Variants in TEX9 observed in about 807,000 individuals in gnomAD.
The protein encoded by TEX9 is testis-expressed protein 9.
In TEX9, 74 loss-of-function variants were observed where a neutral mutation model predicts 59.6. The ratio of observed to expected loss-of-function variants is 1.24; its 90% CI spans 1.03 to 1.51. TEX9 has a LOEUF of 1.51. Among genes scored for constraint, TEX9 ranks in the 40% most tolerant of loss-of-function variants. TEX9 has a pLI of 0.00. For missense variants in TEX9, 522 were observed against 447.8 expected, an observed-to-expected ratio of 1.17 and a Z score of -1.49; for synonymous variants, 186 against 152.2, an observed-to-expected ratio of 1.22 and a Z score of -1.64.
intron 6 of TEX9, among the ~76,000 whole-genome samples, chr15:56,390,120 G>A (rs552059482): frequency 2.7e-4 from 41 of 151,568 alleles, no homozygotes; most frequent in Non-Finnish European, 4.7e-4. Context: ...AAAATAGAGT[G>A]AAGTGATAAG....
At chr15:56,384,122 T>A (rs1200856823) in intron 4 of TEX9, 91 bp downstream of exon 4, 1 of 1,021,384 alleles carries the variant, frequency 9.8e-7, no homozygotes, top group Non-Finnish European at 1.5e-6. Flanking sequence ...CATTGAAAAA[T>A]CTATAATTTG....
At chr15:56,379,051 TTCTC>T (rs1193643296) in intron 3 of TEX9, among the ~76,000 whole-genome samples, 1 of 143,672 alleles carries the variant, frequency 7.0e-6, no homozygotes, top group Non-Finnish European at 1.5e-5. Flanking sequence ...GCAACAGAGT[TTCTC>T]TCTATCTCAA....
intron 1 of TEX9, among the ~76,000 whole-genome samples, chr15:56,281,398 C>G (rs979783098): frequency 3.3e-5 from 5 of 152,214 alleles, no homozygotes; most frequent in African/African-American, 1.2e-4. Flanking sequence ...AGCTCTGCCT[C>G]CTGTCTGATC....
At chr15:56,331,848 A>G (rs2046152495) in intron 1 of TEX9, among the ~76,000 whole-genome samples, 2 of 150,120 alleles carry the variant, frequency 1.3e-5, no homozygotes, top group African/African-American at 4.9e-5. Flanking sequence ...ACATTTATGC[A>G]GCCAAAAAAC....
intron 1 of TEX9, among the ~76,000 whole-genome samples, chr15:56,295,915 G>A (rs1421350995): frequency 1.3e-5 from 2 of 152,112 alleles, no homozygotes; most frequent in South Asian, 2.1e-4. Context: ...TAAACCAAAG[G>A]CTTTGTTACG....
chr15:56,297,542 T>C (rs1200744663), intron 1 of TEX9, among the ~76,000 whole-genome samples: 2 of 152,244 alleles, frequency 1.3e-5, no homozygotes, highest in African/African-American at 4.8e-5. Flanking sequence ...TCTCACTCTG[T>C]TGCCCAGGCT....
intron 1 of TEX9, among the ~76,000 whole-genome samples, chr15:56,337,556 T>A (rs1464998334): frequency 1.3e-5 from 2 of 152,204 alleles, no homozygotes; most frequent in Non-Finnish European, 2.9e-5. Flanking sequence ...TGCCATATTT[T>A]GTAAAATGTT....
chr15:56,365,215 G>T (rs894543696), upstream of TEX9, among the ~76,000 whole-genome samples: 21 of 152,170 alleles, frequency 1.4e-4, no homozygotes, highest in Admixed American at 1.3e-3. Context: ...ACCCCCACAA[G>T]TTGAGAATTT....
At chr15:56,348,950 T>C (rs965273176) in intron 1 of TEX9, among the ~76,000 whole-genome samples, 4 of 151,746 alleles carry the variant, frequency 2.6e-5, no homozygotes, top group Admixed American at 2.0e-4. Context: ...CTGGTTCAGA[T>C]TGAATAATTT....
rs1220852139 is a variant in TEX9, at chr15:56,391,424, T to C, written c.571+6T>C. 7 of 1,485,014 alleles carry C rather than the reference T, an allele frequency of 4.7e-6. No individual in the cohort carries two copies. Among genetic ancestry groups the C allele is most frequent in the Non-Finnish European group, 5.4e-6 (6 of 1,113,838 alleles). 92.0% of individuals were successfully genotyped at this position (1,485,014 alleles called of 1,614,324 possible). ...TAGTAATGACATTGGAACAGGTAGA[T>C]TTTCTTTAGTTTTTTATTTTTATCT... On this transcript the variant is annotated splice_donor_region_variant and intron_variant, in intron 7 of 12. Coordinates refer to ENST00000352903, the Ensembl canonical transcript of TEX9.
At chr15:56,267,034 G>A (rs1004479792) in intron 1 of TEX9, among the ~76,000 whole-genome samples, 54 of 152,122 alleles carry the variant, frequency 3.5e-4, no homozygotes, top group African/African-American at 1.2e-3. Context: ...GGTGTGAGAT[G>A]GTATCTCATT....
At chr15:56,304,562 G>A (rs1235101237) in intron 1 of TEX9, among the ~76,000 whole-genome samples, 3 of 152,130 alleles carry the variant, frequency 2.0e-5, no homozygotes, top group African/African-American at 7.2e-5. Flanking sequence ...TGTGTATGTA[G>A]AACTATCCTT....
chr15:56,404,890 C>G (rs1190213985), intron 9 of TEX9, among the ~76,000 whole-genome samples: 7 of 152,180 alleles, frequency 4.6e-5, no homozygotes, highest in African/African-American at 1.7e-4. Flanking sequence ...GGACAGAAAA[C>G]CAAACACCGC....
chr15:56,390,962 C>T (rs546869598), intron 6 of TEX9, among the ~76,000 whole-genome samples: 4 of 152,142 alleles, frequency 2.6e-5, no homozygotes, highest in African/African-American at 9.6e-5. Flanking sequence ...TTCTCTAGCT[C>T]TGTGGTCACA....
At chr15:56,375,101 C>T (rs2047373370) in intron 3 of TEX9, among the ~76,000 whole-genome samples, 1 of 152,088 alleles carries the variant, frequency 6.6e-6, no homozygotes, top group Non-Finnish European at 1.5e-5. Flanking sequence ...CTGACTTCCA[C>T]AGTGGTTGAA....
chr15:56,369,433 A>G (rs778503557), intron 2 of TEX9, among the ~76,000 whole-genome samples: 3 of 151,008 alleles, frequency 2.0e-5, no homozygotes, highest in Admixed American at 6.6e-5. Flanking sequence ...AGCCCACTGC[A>G]ACCTTCATCT....
chr15:56,270,490 C>T (rs944619416), intron 1 of TEX9, among the ~76,000 whole-genome samples: 1 of 152,106 alleles, frequency 6.6e-6, no homozygotes, highest in Non-Finnish European at 1.5e-5. Context: ...TCTTGCTTTG[C>T]GTTTGCTTGA....
chr15:56,435,029 A>G (rs2140332424), intron 12 of TEX9, among the ~76,000 whole-genome samples: 1 of 152,230 alleles, frequency 6.6e-6, no homozygotes, highest in South Asian at 2.1e-4. Flanking sequence ...ATATAATTTT[A>G]CAATGGTCAC....
At chr15:56,272,083 G>T (rs530005908) in intron 1 of TEX9, among the ~76,000 whole-genome samples, 2 of 151,924 alleles carry the variant, frequency 1.3e-5, no homozygotes, top group Non-Finnish European at 2.9e-5. Context: ...GGCAGAGCTT[G>T]CAGTGAGCTG....
Sources: gnomAD v4.1 joint callset for allele counts (sites outside exome capture counted in the v4.1 genomes callset) on GRCh38, gnomAD v4.1.1 for gene constraint, MANE v1.5 for transcripts, NCBI Gene and HGNC (gene_info 2026-07-23, HGNC 2026-07-21) for gene names.